TNR: variants seen among roughly 807,000 people sequenced by gnomAD.
The protein encoded by TNR is tenascin R, also known as tenascin-R.
A neutral mutation model predicts 150.4 loss-of-function variants in TNR; 45 were observed. The observed-to-expected ratio is 0.30, with a 90% CI of 0.24 to 0.38. TNR has a LOEUF of 0.38. TNR is among the 10% of genes least tolerant of loss of function. The pLI, the probability that TNR is intolerant of heterozygous loss-of-function variation, is 1.00. For synonymous variants in TNR, 687 were observed against 678.4 expected, an observed-to-expected ratio of 1.01 and a Z score of -0.20; for missense variants, 1,544 against 1,759.1, an observed-to-expected ratio of 0.88 and a Z score of 2.19.
chr1:175,356,094 T>C (rs550113179), intron 16 of TNR, among the ~76,000 whole-genome samples: 3 of 152,304 alleles, frequency 2.0e-5, no homozygotes, highest in South Asian at 2.1e-4. Flanking sequence ...CTTGACCTGG[T>C]TCTTCTGCTG....
intron 2 of TNR, among the ~76,000 whole-genome samples, chr1:175,508,417 C>A (rs1571539232): frequency 6.6e-6 from 1 of 152,304 alleles, no homozygotes; most frequent in East Asian, 1.9e-4. Flanking sequence ...GTCTAATTCC[C>A]TTCCCTGGAG....
intron 2 of TNR, among the ~76,000 whole-genome samples, chr1:175,496,576 T>A (rs1330072928): frequency 6.6e-6 from 1 of 152,238 alleles, no homozygotes; most frequent in East Asian, 1.9e-4. Flanking sequence ...ATTTATTAAC[T>A]GCTGATTCTG....
intron 1 of TNR, among the ~76,000 whole-genome samples, chr1:175,628,002 G>C (rs1451328591): frequency 3.9e-5 from 6 of 152,192 alleles, no homozygotes; most frequent in Non-Finnish European, 1.5e-5. Context: ...CCAAATTATA[G>C]CCAGTGGCTC....
At chr1:175,508,959 C>T (rs913855078) in intron 2 of TNR, among the ~76,000 whole-genome samples, 1 of 152,208 alleles carries the variant, frequency 6.6e-6, no homozygotes, top group South Asian at 2.1e-4. Flanking sequence ...GAAACCATCT[C>T]ATGTGTCCTA....
At chr1:175,334,287 G>A (rs1571305747) in intron 20 of TNR, among the ~76,000 whole-genome samples, 1 of 152,208 alleles carries the variant, frequency 6.6e-6, no homozygotes, top group Non-Finnish European at 1.5e-5. Flanking sequence ...ACCATGGGAG[G>A]AATTTAGTTT....
intron 1 of TNR, among the ~76,000 whole-genome samples, chr1:175,624,333 T>C (rs979002125): frequency 2.0e-5 from 3 of 152,318 alleles, no homozygotes; most frequent in Admixed American, 1.3e-4. Context: ...ATGTTATTCC[T>C]GGAGCTTCAG....
chr1:175,695,145 T>C (rs1666477124), intron 1 of TNR, among the ~76,000 whole-genome samples: 1 of 152,216 alleles, frequency 6.6e-6, no homozygotes, highest in Non-Finnish European at 1.5e-5. Flanking sequence ...AACTTCCAGA[T>C]TAGGACATAA....
At chr1:175,506,555 AG>A (rs1246693680) in intron 2 of TNR, among the ~76,000 whole-genome samples, 1 of 152,224 alleles carries the variant, frequency 6.6e-6, no homozygotes, top group East Asian at 1.9e-4. Context: ...GCACATGGCA[AG>A]GGGACACACA....
intron 1 of TNR, among the ~76,000 whole-genome samples, chr1:175,625,361 T>C (rs1410139307): frequency 1.3e-5 from 2 of 152,198 alleles, no homozygotes; most frequent in African/African-American, 4.8e-5. Flanking sequence ...AAAGCGAATA[T>C]GTAATGGCTG....
At chr1:175,494,243 G>A (rs1368011887) in intron 2 of TNR, among the ~76,000 whole-genome samples, 1 of 152,174 alleles carries the variant, frequency 6.6e-6, no homozygotes, top group Non-Finnish European at 1.5e-5. Flanking sequence ...GGCACTGGCA[G>A]ATGCAAGTCC....
chr1:175,438,968 C>T (rs1242174017), intron 2 of TNR, among the ~76,000 whole-genome samples: 15 of 151,984 alleles, frequency 9.9e-5, no homozygotes, highest in African/African-American at 3.4e-4. Flanking sequence ...TTTATAGATT[C>T]AATGCCATCC....
intron 2 of TNR, among the ~76,000 whole-genome samples, chr1:175,471,323 G>A (rs927507177): frequency 2.6e-5 from 4 of 152,180 alleles, no homozygotes; most frequent in East Asian, 1.9e-4. Flanking sequence ...ACAGTCACGC[G>A]TTGTTTAACC....
At chr1:175,714,692 C>T (rs867423746) in intron 1 of TNR, among the ~76,000 whole-genome samples, 5 of 152,192 alleles carry the variant, frequency 3.3e-5, no homozygotes, top group Admixed American at 2.6e-4. Flanking sequence ...AGTGGAAAAT[C>T]GATAGGCGCT....
At chr1:175,324,583 C>A in intron 21 of TNR, 64 bp from the exon 22 acceptor site, 1 of 1,556,206 alleles carries the variant, frequency 6.4e-7, no homozygotes, top group Non-Finnish European at 8.7e-7. Flanking sequence ...ATTTTCTGGA[C>A]ACTTGACCCA....
At chr1:175,664,426 T>G (rs111763681) in intron 1 of TNR, among the ~76,000 whole-genome samples, 2,595 of 151,644 alleles carry the variant, frequency 0.017, 62 homozygotes, top group East Asian at 0.061. Context: ...AAGGAAGGAG[T>G]GAGGTATAAA....
chr1:175,678,317 G>T (rs181442370), intron 1 of TNR, among the ~76,000 whole-genome samples: 2 of 152,148 alleles, frequency 1.3e-5, no homozygotes, highest in South Asian at 2.1e-4. Flanking sequence ...TGTTAAACAC[G>T]CAGGTTCCCT....
rs538951606 is a variant in TNR at position 175,640,359 on chromosome 1, T to C, written c.-165+102867A>G. Among the ~76,000 whole-genome samples, 11 of 152,336 alleles carry C rather than the reference T, an allele frequency of 7.2e-5. No homozygotes were observed. The South Asian group carries it at 2.3e-3, about 32-fold the overall frequency. Reference sequence around the variant, plus strand: ...CTGTAAGGGCAATGAGCTCCTCAAGTATTTGGACGTCTGTCTGGGAGGGAG... The same window carrying C: ...CTGTAAGGGCAATGAGCTCCTCAAGCATTTGGACGTCTGTCTGGGAGGGAG... On this transcript the variant is annotated intron_variant, in intron 1 of 22. Coordinates refer to ENST00000367674, the MANE Select transcript of TNR (RefSeq NM_003285.3).
intron 1 of TNR, among the ~76,000 whole-genome samples, chr1:175,682,062 G>C (rs1003507762): frequency 6.6e-6 from 1 of 152,134 alleles, no homozygotes; most frequent in African/African-American, 2.4e-5. Context: ...AATCAGTTAA[G>C]AGCTCAACAG....
intron 1 of TNR, among the ~76,000 whole-genome samples, chr1:175,718,272 GGCCTTCTCTGACCTGCATTCCCCA>G (rs1034914144): frequency 9.9e-5 from 15 of 152,060 alleles, no homozygotes; most frequent in African/African-American, 3.4e-4. Flanking sequence ...CCCCTGTCCT[GGCCTTCTCTGACCTGCATTCCCCA>G]GCCTTCACTC....
Sources: allele counts gnomAD v4.1 joint callset (sites outside exome capture counted in the v4.1 genomes callset), GRCh38; gene constraint gnomAD v4.1.1; transcripts MANE v1.5; gene names NCBI Gene and HGNC (gene_info 2026-07-23, HGNC 2026-07-21).